The following ACAP2 variants were observed in gnomAD, a reference collection of about 807,000 sequenced individuals.
The protein encoded by ACAP2 is arf-GAP with coiled-coil, ANK repeat and PH domain-containing protein 2.
Under a neutral mutation model 115.8 loss-of-function variants are expected in ACAP2, and 39 were observed. That is an observed-to-expected ratio of 0.34 (90% confidence interval 0.26 to 0.44). ACAP2 has a LOEUF of 0.44. Ranked by LOEUF, ACAP2 falls within the 20% of genes least tolerant of loss-of-function variation. The probability of loss-of-function intolerance (pLI) is 1.00; values close to 1 mark genes in which losing one functional copy is unlikely to be tolerated. For missense variants in ACAP2, 662 were observed against 927.6 expected (o/e 0.71, Z 3.72); for synonymous variants, 289 against 315.8 (o/e 0.92, Z 0.90).
intron 10 of ACAP2, among the ~76,000 whole-genome samples, chr3:195,312,519 T>G (rs377628647): frequency 1.3e-5 from 2 of 152,046 alleles, no homozygotes; most frequent in South Asian, 4.1e-4. Context: ...CAGCCTGGAG[T>G]GTCGTGGTGC....
chr3:195,347,091 C>CA (rs970660399), intron 4 of ACAP2, among the ~76,000 whole-genome samples: 19 of 146,246 alleles, frequency 1.3e-4, no homozygotes, highest in South Asian at 6.6e-4. Context: ...TTATATGCCA[C>CA]AAAAAAAAAT....
chr3:195,416,307 T>C (rs1165560822), intron 1 of ACAP2, among the ~76,000 whole-genome samples: 3 of 151,566 alleles, frequency 2.0e-5, no homozygotes, highest in Non-Finnish European at 4.4e-5. Context: ...GACTGCGCTA[T>C]TGCACTCTGG....
Position 195,279,184 on chromosome 3 carries a change from A to C in ACAP2, c.*144T>G. The C allele has an allele frequency of 3.6e-6, 2 of 548,102 alleles. No individual in the cohort carries two copies. Among genetic ancestry groups the C allele is most frequent in the Non-Finnish European group, 6.3e-6 (2 of 315,658 alleles). The allele number at this position is 548,102 out of a possible 1,614,324, so 34.0% of individuals were successfully genotyped here. On this transcript the variant is annotated 3_prime_UTR_variant, in exon 23 of 23. Transcript: ENST00000326793. Reference sequence around the variant, plus strand: ...ACTAGATAACTATGTTTTAATTTATAAATATATGAATGGGTACCTCTTTTC... The same window carrying C: ...ACTAGATAACTATGTTTTAATTTATCAATATATGAATGGGTACCTCTTTTC...
chr3:195,283,919 G>T (rs947147409), intron 22 of ACAP2, among the ~76,000 whole-genome samples: 2 of 151,128 alleles, frequency 1.3e-5, no homozygotes, highest in Non-Finnish European at 2.9e-5. Context: ...AAATTAAATT[G>T]GTAAAATCTT....
intron 2 of ACAP2, among the ~76,000 whole-genome samples, chr3:195,391,506 G>A (rs560263001): frequency 5.9e-5 from 9 of 151,996 alleles, no homozygotes; most frequent in Middle Eastern, 3.4e-3. Flanking sequence ...GATTACAGGC[G>A]TGAGCCACCA....
chr3:195,310,226 G>C (rs191645739), intron 10 of ACAP2, among the ~76,000 whole-genome samples: 3 of 152,208 alleles, frequency 2.0e-5, no homozygotes, highest in East Asian at 3.9e-4. Flanking sequence ...GACAGACTTA[G>C]GTTTTCTTGT....
chr3:195,331,926 A>T (rs1730196484), intron 8 of ACAP2, among the ~76,000 whole-genome samples: 1 of 152,016 alleles, frequency 6.6e-6, no homozygotes, highest in African/African-American at 2.4e-5. Context: ...CGAGGTCAGG[A>T]GATCGAGACC....
chr3:195,371,592 T>C (rs535076204), intron 4 of ACAP2, among the ~76,000 whole-genome samples: 3 of 152,280 alleles, frequency 2.0e-5, no homozygotes, highest in African/African-American at 7.2e-5. Context: ...CAATACTATG[T>C]TGAATAGGAG....
At chr3:195,430,943 T>C (rs1715068454) in intron 1 of ACAP2, among the ~76,000 whole-genome samples, 1 of 152,210 alleles carries the variant, frequency 6.6e-6, no homozygotes, top group African/African-American at 2.4e-5. Flanking sequence ...TATAGTTTAG[T>C]GGGTTTTAGT....
At chr3:195,337,112 CCTT>C in intron 6 of ACAP2, 136 bp from the exon 7 acceptor site, 1 of 698,886 alleles carries the variant, frequency 1.4e-6, no homozygotes. Flanking sequence ...GCTTTTTCAT[CCTT>C]CAACTATCCT....
chr3:195,371,185 T>C (rs1230576677), intron 4 of ACAP2, among the ~76,000 whole-genome samples: 1 of 152,210 alleles, frequency 6.6e-6, no homozygotes, highest in Non-Finnish European at 1.5e-5. Context: ...TAATTCTATC[T>C]ATCCATGAGG....
chr3:195,304,609 C>A (rs943976225), intron 13 of ACAP2, among the ~76,000 whole-genome samples: 5 of 152,182 alleles, frequency 3.3e-5, no homozygotes, highest in African/African-American at 1.2e-4. Context: ...GTCTCTGAAT[C>A]GACTTCACCT....
At chr3:195,374,051 A>G (rs1733351398) in intron 4 of ACAP2, among the ~76,000 whole-genome samples, 1 of 152,150 alleles carries the variant, frequency 6.6e-6, no homozygotes, top group African/African-American at 2.4e-5. Context: ...CAGAAGGGGG[A>G]AAAGGTAGAG....
At chr3:195,306,362 A>G in intron 13 of ACAP2, 149 bp downstream of exon 13, 1 of 466,784 alleles carries the variant, frequency 2.1e-6, no homozygotes, top group Non-Finnish European at 3.7e-6. Context: ...TAAACAAAAA[A>G]GAAATTAAAT....
intron 2 of ACAP2, among the ~76,000 whole-genome samples, chr3:195,386,345 C>T (rs1261410886): frequency 1.3e-5 from 2 of 152,156 alleles, no homozygotes; most frequent in South Asian, 4.2e-4. Context: ...TACTAAAAAC[C>T]ATGAATTACT....
chr3:195,332,559 C>T (rs1730241953), intron 8 of ACAP2, among the ~76,000 whole-genome samples: 1 of 151,976 alleles, frequency 6.6e-6, no homozygotes, highest in South Asian at 2.1e-4. Flanking sequence ...GTAAATAAAA[C>T]ATCAAGTCCT....
intron 7 of ACAP2, among the ~76,000 whole-genome samples, chr3:195,334,614 A>T (rs562917165): frequency 6.6e-6 from 1 of 152,304 alleles, no homozygotes; most frequent in South Asian, 2.1e-4. Context: ...AAATGTTCAA[A>T]CTCATTTGTA....
At chr3:195,288,856 T>C (rs867655397) in intron 21 of ACAP2, among the ~76,000 whole-genome samples, 1 of 152,056 alleles carries the variant, frequency 6.6e-6, no homozygotes, top group Non-Finnish European at 1.5e-5. Context: ...CAAAAATAGA[T>C]ACATAAATAT....
chr3:195,396,793 G>GA (rs62983860), intron 1 of ACAP2, among the ~76,000 whole-genome samples: 55,677 of 91,928 alleles, frequency 0.61, 16,012 homozygotes, highest in East Asian at 0.69. Flanking sequence ...TCTCAAAAAA[G>GA]AAAAAAAAAA....
Sources: allele counts gnomAD v4.1 joint callset (sites outside exome capture counted in the v4.1 genomes callset), GRCh38; gene constraint gnomAD v4.1.1; transcripts MANE v1.5; gene names NCBI Gene and HGNC (gene_info 2026-07-23, HGNC 2026-07-21).